Variants in CNOT6L observed in about 807,000 individuals in gnomAD.
The protein encoded by CNOT6L is CCR4-NOT transcription complex subunit 6 like, also known as CCR4-NOT transcription complex subunit 6-like.
Under a neutral mutation model 64.0 loss-of-function variants are expected in CNOT6L, and 7 were observed. The ratio of observed to expected loss-of-function variants is 0.11; its 90% confidence interval spans 0.06 to 0.21. CNOT6L has a LOEUF of 0.21. CNOT6L is among the 10% of genes least tolerant of loss of function. CNOT6L has a pLI of 1.00. For missense variants in CNOT6L, 245 were observed against 669.0 expected, an observed-to-expected ratio of 0.37 and a Z score of 6.99; for synonymous variants, 193 against 243.4, an observed-to-expected ratio of 0.79 and a Z score of 1.93.
At chr4:77,810,830 T>C (rs769045723) in intron 1 of CNOT6L, among the ~76,000 whole-genome samples, 223 of 152,270 alleles carry the variant, frequency 1.5e-3, no homozygotes, top group Admixed American at 5.6e-3. Flanking sequence ...AATCCTCTTT[T>C]CTACTTTTTA....
chr4:77,746,960 T>C (rs1384321289), intron 6 of CNOT6L, among the ~76,000 whole-genome samples: 1 of 151,922 alleles, frequency 6.6e-6, no homozygotes, highest in Non-Finnish European at 1.5e-5. Flanking sequence ...AAAAATGTAC[T>C]GCATATTATA....
chr4:77,727,050 A>T (rs1400971766), intron 10 of CNOT6L, among the ~76,000 whole-genome samples: 1 of 152,208 alleles, frequency 6.6e-6, no homozygotes, highest in Non-Finnish European at 1.5e-5. Flanking sequence ...CCTTATGATG[A>T]TTAGTGCACT....
At chr4:77,720,992 T>G (rs1287532479) in intron 11 of CNOT6L, among the ~76,000 whole-genome samples, 1 of 152,218 alleles carries the variant, frequency 6.6e-6, no homozygotes, top group Non-Finnish European at 1.5e-5. Flanking sequence ...CTAATCCTAT[T>G]GGCTATAATA....
At chr4:77,779,060 AAACAAAAAAAAAAC>A (rs942610967) in intron 1 of CNOT6L, among the ~76,000 whole-genome samples, 17 of 97,958 alleles carry the variant, frequency 1.7e-4, no homozygotes, top group African/African-American at 3.2e-4. Context: ...AAAAAAAAAA[AAACAAAAAAAAAAC>A]ACAAAAAACA....
At chr4:77,727,614 G>A (rs1480580906) in intron 10 of CNOT6L, among the ~76,000 whole-genome samples, 4 of 144,206 alleles carry the variant, frequency 2.8e-5, no homozygotes, top group Non-Finnish European at 6.0e-5. Flanking sequence ...GAGGAACTTA[G>A]TCACAGATTG....
intron 1 of CNOT6L, among the ~76,000 whole-genome samples, chr4:77,792,923 T>C (rs1217067106): frequency 6.6e-6 from 1 of 150,562 alleles, no homozygotes; most frequent in East Asian, 1.9e-4. Flanking sequence ...ATGGTTTTGG[T>C]TAACACAACT....
chr4:77,803,064 C>A (rs1412024315), intron 1 of CNOT6L, among the ~76,000 whole-genome samples: 1 of 152,060 alleles, frequency 6.6e-6, no homozygotes, highest in Non-Finnish European at 1.5e-5. Flanking sequence ...GGAACAAAGT[C>A]TCTGCAATAT....
intron 1 of CNOT6L, among the ~76,000 whole-genome samples, chr4:77,812,911 A>C (rs1260816904): frequency 6.6e-6 from 1 of 152,206 alleles, no homozygotes. Flanking sequence ...TTTCTTCTCA[A>C]AAGGAAAAAC....
chr4:77,816,075 A>G (rs1733540145), intron 1 of CNOT6L, among the ~76,000 whole-genome samples: 1 of 152,246 alleles, frequency 6.6e-6, no homozygotes. Flanking sequence ...AGATTGCTTA[A>G]AAGCCCATTT....
chr4:77,725,781 T>C (rs1436447472), intron 11 of CNOT6L, among the ~76,000 whole-genome samples: 1 of 152,088 alleles, frequency 6.6e-6, no homozygotes, highest in Non-Finnish European at 1.5e-5. Flanking sequence ...AGTTTTGCTA[T>C]ATTCGGTGCT....
rs116078804 is a variant in CNOT6L, at chr4:77,815,260, G to A, written c.5+4044C>T. The stretch of plus-strand genomic sequence containing the variant: ...AATACAAAGAGAAATAACTCAAACT[G>A]CCAGAACTCATTAAAGCACAATGAC... On this transcript the variant is annotated intron_variant, in intron 1 of 11. Coordinates refer to ENST00000504123, the MANE Select transcript of CNOT6L (RefSeq NM_144571.3). 1.6e-3 allele frequency among the ~76,000 whole-genome samples: 241 copies of A among 152,256 alleles called. 2 individuals carry two copies. Among genetic ancestry groups the A allele is most frequent in the African/African-American group, 5.2e-3 (216 of 41,536 alleles).
chr4:77,760,088 T>C (rs1407644418), intron 4 of CNOT6L, among the ~76,000 whole-genome samples: 1 of 152,122 alleles, frequency 6.6e-6, no homozygotes, highest in African/African-American at 2.4e-5. Context: ...AATGTTTTAA[T>C]TGGTCCGGGC....
intron 1 of CNOT6L, among the ~76,000 whole-genome samples, chr4:77,809,963 A>C (rs185386316): frequency 1.3e-5 from 2 of 152,278 alleles, no homozygotes; most frequent in African/African-American, 4.8e-5. Context: ...TATTCAGTAC[A>C]AATGACGAGT....
chr4:77,742,522 A>G, intron 7 of CNOT6L: 1 of 565,180 alleles, frequency 1.8e-6, no homozygotes, highest in Non-Finnish European at 3.2e-6. Context: ...TCACACAGAT[A>G]GTAACAGGAG....
intron 5 of CNOT6L, among the ~76,000 whole-genome samples, chr4:77,750,639 C>T (rs1222902596): frequency 6.6e-6 from 1 of 152,198 alleles, no homozygotes; most frequent in Non-Finnish European, 1.5e-5. Flanking sequence ...AGGCGTGAGC[C>T]ACTGCACCTG....
chr4:77,734,437 A>G (rs573199724), intron 8 of CNOT6L, among the ~76,000 whole-genome samples: 9 of 152,272 alleles, frequency 5.9e-5, no homozygotes, highest in Admixed American at 1.3e-4. Flanking sequence ...TTCCAAATCA[A>G]TTTTGATGAC....
Position 77,746,047 on chromosome 4 carries a change from T to A in CNOT6L, c.560-1172A>T, listed in dbSNP as rs148021405. ...TGACCCAGCATCATTTCCAAGCCAC[T>A]ACACTGTGAAGTAAGCACCCTGAAT... On this transcript the variant is annotated intron_variant, in intron 6 of 11. Transcript: ENST00000504123. 7.6e-4 allele frequency among the ~76,000 whole-genome samples: 116 copies of A among 152,324 alleles called. 1 individual carries two copies. The East Asian group carries it at 0.013, about 17-fold the overall frequency.
At chr4:77,742,379 A>T (rs900598329) in intron 7 of CNOT6L, 84 bp from the exon 8 acceptor site, 1 of 1,225,208 alleles carries the variant, frequency 8.2e-7, no homozygotes, top group Non-Finnish European at 1.2e-6. Flanking sequence ...TATGAGTAAG[A>T]TGTAACTTAG....
chr4:77,814,863 T>G (rs1733383252), intron 1 of CNOT6L, among the ~76,000 whole-genome samples: 1 of 152,196 alleles, frequency 6.6e-6, no homozygotes, highest in African/African-American at 2.4e-5. Flanking sequence ...TGTCCAGTGA[T>G]AAAATACCAT....
Sources: gnomAD v4.1 joint callset for allele counts (sites outside exome capture counted in the v4.1 genomes callset) on GRCh38, gnomAD v4.1.1 for gene constraint, MANE v1.5 for transcripts, NCBI Gene and HGNC (gene_info 2026-07-23, HGNC 2026-07-21) for gene names.